Variants in ITGA8 observed in about 807,000 individuals in gnomAD.
The protein encoded by ITGA8 is integrin subunit alpha 8, also known as integrin alpha-8.
Under a neutral mutation model 142.3 loss-of-function variants are expected in ITGA8, and 91 were observed. That is an observed-to-expected ratio of 0.64 (90% confidence interval 0.54 to 0.76). The LOEUF is 0.76. ITGA8 is among the 30% of genes least tolerant of loss of function. The pLI, the probability that ITGA8 is intolerant of heterozygous loss-of-function variation, is 0.00. For missense variants in ITGA8, 1,406 were observed against 1,327.7 expected, an observed-to-expected ratio of 1.06 and a Z score of -0.92; for synonymous variants, 505 against 485.2, an observed-to-expected ratio of 1.04 and a Z score of -0.54.
chr10:15,685,770 C>T (rs7083296), intron 3 of ITGA8, among the ~76,000 whole-genome samples: 123,240 of 152,108 alleles, frequency 0.81, 50,650 homozygotes, highest in Middle Eastern at 0.89. Context: ...ATATCAGAAA[C>T]ATTATCGGCA....
intron 21 of ITGA8, among the ~76,000 whole-genome samples, chr10:15,593,771 T>C (rs1042077795): frequency 2.0e-5 from 3 of 152,096 alleles, no homozygotes; most frequent in Non-Finnish European, 4.4e-5. Context: ...CATTTCAGTG[T>C]GACTTGCTCA....
At position 15,519,587 on chromosome 10, in the gene ITGA8, G is replaced by A. The variant is rs577469853; in HGVS notation, c.2983-175C>T. Among the ~76,000 whole-genome samples the A allele has an allele frequency of 7.2e-5, 11 of 152,262 alleles. No homozygotes were observed. In the East Asian group the frequency reaches 1.9e-3, roughly 27 times the overall value. On this transcript the variant is annotated intron_variant, in intron 28 of 29. Coordinates refer to ENST00000378076, the MANE Select transcript of ITGA8 (RefSeq NM_003638.3). ...AACATGAACTCTTAAAAGCTAGCAT[G>A]TTCCTAGATCTGCTTGGTTCTGTAA...
At chr10:15,586,049 A>ATTTTTTTTTTTTTTTTTTT (rs59435924) in intron 23 of ITGA8, among the ~76,000 whole-genome samples, 1 of 76,810 alleles carries the variant, frequency 1.3e-5, no homozygotes, top group African/African-American at 5.3e-5. Flanking sequence ...GAATAAAGTG[A>ATTTTTTTTTTTTTTTTTTT]TTTTTTTTTT....
intron 12 of ITGA8, among the ~76,000 whole-genome samples, chr10:15,645,480 A>G (rs1833963911): frequency 6.6e-6 from 1 of 152,204 alleles, no homozygotes; most frequent in African/African-American, 2.4e-5. Flanking sequence ...AGCTTTACAG[A>G]GTAGCAAGTC....
Position 15,715,752 on chromosome 10 carries a change from C to T in ITGA8, c.343+3014G>A, listed in dbSNP as rs76959096. Among the ~76,000 whole-genome samples the T allele has an allele frequency of 2.6e-5, 4 of 152,360 alleles. No homozygotes were observed. In the East Asian group the frequency reaches 7.7e-4, roughly 29 times the overall value. On this transcript the variant is annotated intron_variant, in intron 2 of 29. Coordinates refer to ENST00000378076, the MANE Select transcript of ITGA8 (RefSeq NM_003638.3). ...TCGTTTTAACATTCTACTTTGTCCA[C>T]GAAGTGGATGTTCAGAATGGAAATA...
chr10:15,536,463 A>T (rs1833440423), intron 27 of ITGA8, among the ~76,000 whole-genome samples: 1 of 152,226 alleles, frequency 6.6e-6, no homozygotes, highest in East Asian at 1.9e-4. Context: ...GAAAGCAATT[A>T]CGGGCAGAGG....
In ITGA8 at chr10:15,644,110, A is replaced by G. The variant is rs181623685; in HGVS notation, c.1319T>C (p.Val440Ala). 2.5e-5 allele frequency: 40 copies of G among 1,613,904 alleles called. No individual in the cohort carries two copies. Among genetic ancestry groups the G allele is most frequent in the Non-Finnish European group, 1.3e-5 (15 of 1,179,950 alleles). The change falls in exon 13 of 30, where the codon GTG becomes GCG. Residue 440 changes from valine to alanine, a missense_variant. By Grantham distance (64) the Val-to-Ala change is moderately conservative. Coordinates refer to ENST00000378076, the MANE Select transcript of ITGA8 (RefSeq NM_003638.3). ...NTKPSQVLQGVWASHAVPSGF... is the reference protein window; with the variant it reads ...NTKPSQVLQGAWASHAVPSGF... ...GGAAGGGACAGCATGTGAGGCCCAC[A>G]CTCCTTGCAGAACTTGGGAAGGCTT...
intron 25 of ITGA8, among the ~76,000 whole-genome samples, chr10:15,571,696 G>C (rs1155025): frequency 1.3e-5 from 2 of 151,974 alleles, no homozygotes; most frequent in Non-Finnish European, 2.9e-5. Context: ...TGAAAAGCAC[G>C]GCTCTAGGCT....
At chr10:15,544,318 A>AC (rs1554770952) in intron 27 of ITGA8, among the ~76,000 whole-genome samples, 1 of 151,976 alleles carries the variant, frequency 6.6e-6, no homozygotes, top group Non-Finnish European at 1.5e-5. Context: ...AAACAAAACA[A>AC]AACAACAACA....
intron 27 of ITGA8, among the ~76,000 whole-genome samples, chr10:15,539,184 G>A (rs1426995599): frequency 1.3e-5 from 2 of 151,924 alleles, no homozygotes; most frequent in African/African-American, 2.4e-5. Flanking sequence ...GAAGGAGTTC[G>A]TGACTGGCTC....
At chr10:15,706,461 T>C (rs947721615) in intron 2 of ITGA8, among the ~76,000 whole-genome samples, 2 of 152,082 alleles carry the variant, frequency 1.3e-5, no homozygotes, top group Non-Finnish European at 2.9e-5. Flanking sequence ...TCCATTTTTT[T>C]CCCTCCTGTC....
At chr10:15,700,030 A>G (rs1161387571) in intron 2 of ITGA8, among the ~76,000 whole-genome samples, 1 of 152,082 alleles carries the variant, frequency 6.6e-6, no homozygotes, top group Non-Finnish European at 1.5e-5. Context: ...CATAATTCAT[A>G]TATTTTTGCC....
chr10:15,555,585 G>T (rs1250728330), intron 26 of ITGA8, among the ~76,000 whole-genome samples: 7 of 152,198 alleles, frequency 4.6e-5, no homozygotes, highest in African/African-American at 1.7e-4. Flanking sequence ...CAGCAGCATA[G>T]GTAGGTTAGG....
At chr10:15,676,816 C>T (rs1308316122) in intron 6 of ITGA8, among the ~76,000 whole-genome samples, 1 of 152,136 alleles carries the variant, frequency 6.6e-6, no homozygotes, top group Admixed American at 6.6e-5. Flanking sequence ...TGAGACCAGC[C>T]TGGCCAACAT....
chr10:15,523,255 C>A (rs1388204437), intron 28 of ITGA8, among the ~76,000 whole-genome samples: 1 of 152,166 alleles, frequency 6.6e-6, no homozygotes, highest in African/African-American at 2.4e-5. Flanking sequence ...ATCTATATAA[C>A]TGGGCTATCC....
chr10:15,670,272 A>G (rs774404822), intron 8 of ITGA8, among the ~76,000 whole-genome samples: 4 of 152,234 alleles, frequency 2.6e-5, no homozygotes, highest in Non-Finnish European at 4.4e-5. Context: ...CGTTGAGTGA[A>G]AGCTCCCATT....
chr10:15,613,544 G>C (rs1276851268), intron 15 of ITGA8, 116 bp downstream of exon 15: 4 of 768,854 alleles, frequency 5.2e-6, no homozygotes, highest in Non-Finnish European at 8.9e-6. Context: ...CTTTTTTCGA[G>C]AAATGCAAAA....
intron 13 of ITGA8, among the ~76,000 whole-genome samples, chr10:15,625,439 T>G (rs1056114303): frequency 6.8e-6 from 1 of 147,384 alleles, no homozygotes; most frequent in Non-Finnish European, 1.5e-5. Flanking sequence ...CTGAATCACA[T>G]GTGTGCCGTC....
At chr10:15,707,677 G>A (rs949227318) in intron 2 of ITGA8, among the ~76,000 whole-genome samples, 1 of 151,924 alleles carries the variant, frequency 6.6e-6, no homozygotes, top group Non-Finnish European at 1.5e-5. Context: ...ACAAAAATTA[G>A]CCATGTGTGG....
Sources: gnomAD v4.1 joint callset for allele counts (sites outside exome capture counted in the v4.1 genomes callset) on GRCh38, gnomAD v4.1.1 for gene constraint, MANE v1.5 for transcripts, NCBI Gene and HGNC (gene_info 2026-07-23, HGNC 2026-07-21) for gene names.